JMJD1C: variants seen among roughly 807,000 people sequenced by gnomAD.
The protein encoded by JMJD1C is jumonji domain containing 1C, also known as jumonji domain-containing protein 1C.
In JMJD1C, 31 loss-of-function variants were observed where a neutral mutation model predicts 245.3. The observed-to-expected ratio is 0.13, with a 90% confidence interval of 0.09 to 0.17. JMJD1C has a LOEUF of 0.17. Ranked by LOEUF, JMJD1C falls within the 10% of genes least tolerant of loss-of-function variation. The pLI is 1.00. For synonymous variants in JMJD1C, 1,057 were observed against 1,017.4 expected (o/e 1.04, Z -0.74); for missense variants, 2,691 against 3,000.2 (o/e 0.90, Z 2.41).
intron 2 of JMJD1C, among the ~76,000 whole-genome samples, chr10:63,332,834 A>T (rs1181698849): frequency 6.6e-6 from 1 of 152,234 alleles, no homozygotes; most frequent in African/African-American, 2.4e-5. Context: ...TGTATGAGGT[A>T]GAGATTTTTA....
chr10:63,514,999 A>G (rs1954976067), intron 1 of JMJD1C, among the ~76,000 whole-genome samples: 4 of 151,904 alleles, frequency 2.6e-5, no homozygotes, highest in African/African-American at 9.7e-5. Flanking sequence ...ATGCAGTACT[A>G]GGGTGATGGG....
At chr10:63,223,945 G>A (rs1207539754) in intron 3 of JMJD1C, among the ~76,000 whole-genome samples, 2 of 151,954 alleles carry the variant, frequency 1.3e-5, no homozygotes, top group East Asian at 3.9e-4. Context: ...GTAGAGACGG[G>A]GTTTCGCCAT....
At chr10:63,242,889 A>C (rs1851663437) in intron 3 of JMJD1C, among the ~76,000 whole-genome samples, 1 of 151,954 alleles carries the variant, frequency 6.6e-6, no homozygotes, top group Non-Finnish European at 1.5e-5. Flanking sequence ...ATATTACCTC[A>C]TAGACAATGG....
chr10:63,168,280 C>T, intron 25 of JMJD1C, 146 bp from the exon 26 acceptor site: 4 of 988,626 alleles, frequency 4.0e-6, no homozygotes, highest in Non-Finnish European at 6.0e-6. Flanking sequence ...AAAAGGGACA[C>T]TATAAATCAT....
chr10:63,301,914 C>A (rs1158430405), intron 2 of JMJD1C: 1 of 279,168 alleles, frequency 3.6e-6, no homozygotes, highest in African/African-American at 2.3e-5. Context: ...CTTACTATGA[C>A]GTGGAAACCA....
chr10:63,502,925 A>G (rs12785227), intron 1 of JMJD1C, among the ~76,000 whole-genome samples: 30,804 of 152,154 alleles, frequency 0.2, 4,090 homozygotes, highest in Non-Finnish European at 0.3. Flanking sequence ...AATAATGGGT[A>G]ACAATTACTG....
chr10:63,520,803 C>T (rs1955192476), intron 1 of JMJD1C, among the ~76,000 whole-genome samples: 2 of 152,200 alleles, frequency 1.3e-5, no homozygotes, highest in Admixed American at 1.3e-4. Flanking sequence ...CTACTGCAAA[C>T]ATGAAATCCT....
intron 22 of JMJD1C, 49 bp from the exon 23 acceptor site, chr10:63,177,905 A>G: frequency 6.3e-7 from 1 of 1,588,602 alleles, no homozygotes. Context: ...AATACCAGAA[A>G]GCCAAGTCTC....
chr10:63,360,391 T>C (rs1323378812), intron 2 of JMJD1C, among the ~76,000 whole-genome samples: 4 of 152,178 alleles, frequency 2.6e-5, no homozygotes, highest in African/African-American at 9.6e-5. Context: ...AAAATGTACT[T>C]TGTTTAAACA....
chr10:63,202,445 A>G lies in JMJD1C; in HGVS notation c.5075-1768T>C, dbSNP rs145404984. The G allele has an allele frequency of 1.2e-3, 1,215 of 985,408 alleles. 9 individuals are homozygous for G. In the African/African-American group the frequency reaches 0.015, roughly 13 times the overall value. The allele number at this position is 985,408 out of a possible 1,614,324, so 61.0% of individuals were successfully genotyped here. ...CCCTTGTGTTTTCTAATCATGCCCA[A>G]TGTGTGGATCAGAGGTACAGCTATT... On this transcript the variant is annotated intron_variant, in intron 10 of 25. Transcript: ENST00000399262.
chr10:63,223,717 T>C (rs963943130), intron 3 of JMJD1C, among the ~76,000 whole-genome samples: 5 of 152,146 alleles, frequency 3.3e-5, no homozygotes, highest in South Asian at 4.1e-4. Context: ...TACTAGGATA[T>C]ATAATCTATT....
chr10:63,242,367 C>T lies in JMJD1C; in HGVS notation c.447+22284G>A, dbSNP rs183843725. 1.0e-3 allele frequency among the ~76,000 whole-genome samples: 152 copies of T among 152,296 alleles called. 1 individual carries two copies. The highest frequency in any genetic ancestry group is 3.5e-3 in the African/African-American group (147 of 41,556). Reference sequence around the variant, plus strand: ...TTAAAATTTAGTTTTATTTAATTTACGTTTAAATAGCCACATATGACTAGT... The same window carrying T: ...TTAAAATTTAGTTTTATTTAATTTATGTTTAAATAGCCACATATGACTAGT... On this transcript the variant is annotated intron_variant, in intron 3 of 25. Transcript: ENST00000399262.
At chr10:63,515,956 A>C (rs1470585206) in intron 1 of JMJD1C, among the ~76,000 whole-genome samples, 1 of 152,106 alleles carries the variant, frequency 6.6e-6, no homozygotes, top group Non-Finnish European at 1.5e-5. Flanking sequence ...ATTCTTGTAT[A>C]CTCAAATCTA....
intron 3 of JMJD1C, among the ~76,000 whole-genome samples, chr10:63,240,119 A>T (rs138677931): frequency 5.3e-5 from 8 of 152,340 alleles, no homozygotes; most frequent in Admixed American, 5.2e-4. Flanking sequence ...CACAGAGAAG[A>T]TGCTTAGTAA....
chr10:63,470,157 AT>A (rs1953444578), upstream of JMJD1C, among the ~76,000 whole-genome samples: 1 of 152,010 alleles, frequency 6.6e-6, no homozygotes, highest in Non-Finnish European at 1.5e-5. Flanking sequence ...GATCATTTAT[AT>A]TTTTTCCCTT....
At chr10:63,433,257 C>T (rs1264378438) in intron 1 of JMJD1C, among the ~76,000 whole-genome samples, 3 of 152,002 alleles carry the variant, frequency 2.0e-5, no homozygotes, top group South Asian at 2.1e-4. Context: ...CTACCATGCC[C>T]GGCTAATTCT....
chr10:63,353,976 A>G (rs930564291), intron 2 of JMJD1C, among the ~76,000 whole-genome samples: 7 of 151,880 alleles, frequency 4.6e-5, no homozygotes, highest in African/African-American at 1.2e-4. Context: ...GGGTAGCTGG[A>G]ACTACAGGCA....
chr10:63,521,594 G>A lies in JMJD1C; in HGVS notation n.113+144C>T, dbSNP rs780334689. 2.1e-6 allele frequency: 3 copies of A among 1,400,186 alleles called. No individual in the cohort carries two copies. The East Asian group carries it at 9.3e-5, about 43-fold the overall frequency. The allele number at this position is 1,400,186 out of a possible 1,614,324, so 86.7% of individuals were successfully genotyped here. ...AGCCGTGGTGTAAGTGCCTCTCACT[G>A]CGCCCTGCAGCCGGCGCGAGGCCCA... On this transcript the variant is annotated intron_variant and non_coding_transcript_variant, in intron 1 of 3. Transcript: ENST00000633035.
At chr10:63,445,938 T>G (rs1320257211) in intron 1 of JMJD1C, among the ~76,000 whole-genome samples, 1 of 142,210 alleles carries the variant, frequency 7.0e-6, no homozygotes, top group Non-Finnish European at 1.5e-5. Flanking sequence ...TGCAGTGGTG[T>G]GATCTGGGCT....
Sources: allele counts gnomAD v4.1 joint callset (sites outside exome capture counted in the v4.1 genomes callset), GRCh38; gene constraint gnomAD v4.1.1; transcripts MANE v1.5; gene names NCBI Gene and HGNC (gene_info 2026-07-23, HGNC 2026-07-21).